ZNF467: variants seen among roughly 807,000 people sequenced by gnomAD.
The protein encoded by ZNF467 is zinc finger protein 467, also known as zinc finger protein EZI.
ZNF467 carries 51 observed loss-of-function variants against 47.8 expected under a neutral mutation model. That is an observed-to-expected ratio of 1.07 (90% confidence interval 0.85 to 1.35). ZNF467 has a LOEUF of 1.35. Ranked by LOEUF, ZNF467 falls within the 40% of genes most tolerant of loss-of-function variation. The probability of loss-of-function intolerance (pLI) is 0.00; values close to 1 mark genes in which losing one functional copy is unlikely to be tolerated. For missense variants in ZNF467, 992 were observed against 858.1 expected (o/e 1.16, Z -1.95); for synonymous variants, 416 against 372.9 (o/e 1.12, Z -1.33).
At chr7:149,766,321 G>A (rs1390016023) in intron 4 of ZNF467, 82 bp from the exon 5 acceptor site, 2 of 1,499,086 alleles carry the variant, frequency 1.3e-6, no homozygotes, top group Admixed American at 4.7e-5. Flanking sequence ...ACTTCCTGGA[G>A]CCCCGCGGTC....
intron 4 of ZNF467, among the ~76,000 whole-genome samples, chr7:149,766,710 T>G (rs1160734128): frequency 6.6e-6 from 1 of 152,216 alleles, no homozygotes; most frequent in Non-Finnish European, 1.5e-5. Flanking sequence ...GAGCCCTGGC[T>G]GACTTTAACC....
At chr7:149,774,129 G>T (rs1394165595), upstream of ZNF467, among the ~76,000 whole-genome samples, 1 of 151,974 alleles carries the variant, frequency 6.6e-6, no homozygotes, top group East Asian at 1.9e-4. This position sits in a 1 kb window ranked among gnomAD's most constrained non-coding sequence, Gnocchi z 5.7. Context: ...AGGGCTCTAT[G>T]GGCGGGAGAC....
Position 149,769,036 on chromosome 7 carries a change from G to GGATTA in ZNF467, c.262+53_262+54insTAATC, listed in dbSNP as rs1554433606. 2.8e-6 allele frequency: 4 copies of GGATTA among 1,449,298 alleles called. No individual in the cohort carries two copies. The highest frequency in any genetic ancestry group is 3.7e-6 in the Non-Finnish European group (4 of 1,079,096). The allele number at this position is 1,449,298 out of a possible 1,614,324, so 89.8% of individuals were successfully genotyped here. ...AGATAGCAGCTCCGGAGCTTGCTGGGCCCCGTTCCCTTGGCCTGAGCCCGT... is the reference window on the plus strand; with the variant it reads ...AGATAGCAGCTCCGGAGCTTGCTGGGGATTACCCCGTTCCCTTGGCCTGAGCCCGT... On this transcript the variant is annotated intron_variant, in intron 4 of 4. Coordinates refer to ENST00000302017, the MANE Select transcript of ZNF467 (RefSeq NM_207336.3). The surrounding 1 kb of genome is among the most constrained non-coding windows in gnomAD (Gnocchi z 5.3).
At chr7:149,775,966 C>G, upstream of ZNF467, 1 of 1,165,708 alleles carries the variant, frequency 8.6e-7, no homozygotes, top group Non-Finnish European at 1.2e-6. Flanking sequence ...GCTGGCCTCT[C>G]TGCCCTCTCT....
chr7:149,774,408 G>A (rs182765211), upstream of ZNF467, among the ~76,000 whole-genome samples: 14 of 152,308 alleles, frequency 9.2e-5, no homozygotes, highest in Admixed American at 9.2e-4. This position sits in a 1 kb window ranked among gnomAD's most constrained non-coding sequence, Gnocchi z 5.7. Flanking sequence ...GCCCCTTTAC[G>A]GGAAAGGGTG....
In ZNF467 at chr7:149,765,407, G is replaced by A; in HGVS notation, c.1095C>T (p.Gly365=). The part of the protein sequence containing the change: ...FACSDCGLSF[G]WKKNLATHQC... ...GGTGCGTGGCGAGGTTCTTTTTCCAGCCGAAGCTCAAGCCGCAGTCGGAGC... is the reference window on the plus strand; with the variant it reads ...GGTGCGTGGCGAGGTTCTTTTTCCAACCGAAGCTCAAGCCGCAGTCGGAGC... Residue 365 remains glycine (G), a synonymous_variant, in exon 5 of 5, where the codon GGC becomes GGT. Coordinates refer to ENST00000302017, the MANE Select transcript of ZNF467 (RefSeq NM_207336.3). The A allele has an allele frequency of 6.4e-7, 1 of 1,572,920 alleles. No individual in the cohort carries two copies. Among genetic ancestry groups the A allele is most frequent in the Non-Finnish European group, 8.6e-7 (1 of 1,160,062 alleles).
Position 149,764,603 on chromosome 7 carries a change from G to T in ZNF467, c.*111C>A, listed in dbSNP as rs757641061. ...TGCGGGAAGGAAACAGGTGTCCCGC[G>T]GCGGCCAAACCTTCGGGCAGCAGCC... On this transcript the variant is annotated 3_prime_UTR_variant, in exon 5 of 5. Coordinates refer to ENST00000302017, the MANE Select transcript of ZNF467 (RefSeq NM_207336.3). 5 of 1,536,688 alleles carry T rather than the reference G, an allele frequency of 3.3e-6. No individual in the cohort carries two copies. The highest frequency in any genetic ancestry group is 2.4e-5 in the South Asian group (2 of 83,924).
At position 149,770,566 on chromosome 7, in the gene ZNF467, G is replaced by A; in HGVS notation, c.35-10C>T. On this transcript the variant is annotated splice_polypyrimidine_tract_variant and intron_variant, in intron 2 of 4. Transcript: ENST00000302017. The stretch of plus-strand genomic sequence containing the variant: ...TGTCCCACAGAGAATCCTGTTACAG[G>A]CAGAAGGATGGGTCCAAGTAAAGCA... 1 of 1,606,170 alleles carries A rather than the reference G, an allele frequency of 6.2e-7. No individual in the cohort carries two copies. Among genetic ancestry groups the A allele is most frequent in the Non-Finnish European group, 8.5e-7 (1 of 1,174,158 alleles).
chr7:149,771,465 T>C (rs1799404799), intron 1 of ZNF467, among the ~76,000 whole-genome samples: 1 of 151,976 alleles, frequency 6.6e-6, no homozygotes, highest in South Asian at 2.1e-4. Context: ...GGAAACTTCA[T>C]CTCCCAGGTC....
At chr7:149,771,564 C>T (rs1341870076) in intron 1 of ZNF467, among the ~76,000 whole-genome samples, 3 of 152,084 alleles carry the variant, frequency 2.0e-5, no homozygotes, top group Non-Finnish European at 2.9e-5. Context: ...TTGGGGAGGT[C>T]CTCGAGAGGA....
intron 3 of ZNF467, among the ~76,000 whole-genome samples, chr7:149,770,033 C>T (rs2117445753): frequency 6.6e-6 from 1 of 152,262 alleles, no homozygotes; most frequent in South Asian, 2.1e-4. Flanking sequence ...AACCCAGTCT[C>T]CTCACCCTAT....
upstream of ZNF467, among the ~76,000 whole-genome samples, chr7:149,775,448 A>G (rs925160549): frequency 6.6e-6 from 1 of 152,068 alleles, no homozygotes; most frequent in African/African-American, 2.4e-5. Flanking sequence ...AGGCTGGAAG[A>G]CCCCATCAGT....
chr7:149,772,317 C>T (rs1799446561), intron 1 of ZNF467, among the ~76,000 whole-genome samples: 1 of 57,528 alleles, frequency 1.7e-5, no homozygotes, highest in Non-Finnish European at 3.5e-5. Flanking sequence ...CCTTCCCCCT[C>T]TGTCTCCCCA....
rs186307739 is a variant in ZNF467 at position 149,770,573 on chromosome 7, G to A, written c.35-17C>T. ...CAGAGAATCCTGTTACAGGCAGAAG[G>A]ATGGGTCCAAGTAAAGCATCCAGTA... On this transcript the variant is annotated splice_polypyrimidine_tract_variant and intron_variant, in intron 2 of 4. Transcript: ENST00000302017. The A allele has an allele frequency of 1.0e-3, 1,636 of 1,601,664 alleles. 7 individuals carry two copies. The African/African-American group carries it at 0.012, about 12-fold the overall frequency.
upstream of ZNF467, among the ~76,000 whole-genome samples, chr7:149,775,720 CACACACACACACACACA>C: frequency 9.9e-6 from 1 of 100,774 alleles, no homozygotes; most frequent in East Asian, 2.4e-4. Context: ...CACACACACA[CACACACACACACACACA>C]CACACACACA....
At chr7:149,766,327 C>G in intron 4 of ZNF467, 88 bp from the exon 5 acceptor site, 1 of 1,493,402 alleles carries the variant, frequency 6.7e-7, no homozygotes, top group Non-Finnish European at 8.9e-7. Context: ...TGGAGCCCCG[C>G]GGTCTGGCTC....
chr7:149,765,800 G>C lies in ZNF467; in HGVS notation c.702C>G (p.His234Gln), dbSNP rs1262998309. ...GCCGCTCGCCCGTGTGCGTGCGCAG[G>C]TGGCGGGTCAGATGGGCCTTCTTGC... ...RFSKKAHLTR[H>Q]LRTHTGERPY... The change falls in exon 5 of 5, where the codon CAC becomes CAG. Residue 234 changes from histidine (H) to glutamine (Q), a missense_variant. Transcript: ENST00000302017. 1 of 1,611,226 alleles carries C rather than the reference G, an allele frequency of 6.2e-7. No homozygotes were observed. Among genetic ancestry groups the C allele is most frequent in the African/African-American group, 1.3e-5 (1 of 74,884 alleles).
upstream of ZNF467, chr7:149,776,444 G>A (rs778318740): frequency 2.3e-5 from 31 of 1,348,468 alleles, no homozygotes; most frequent in South Asian, 1.2e-4. Flanking sequence ...CATTACAGCC[G>A]CCTGGGCTGG....
At chr7:149,772,870 C>T (rs1178338319) in intron 1 of ZNF467, among the ~76,000 whole-genome samples, 1 of 123,712 alleles carries the variant, frequency 8.1e-6, no homozygotes, top group East Asian at 2.4e-4. Flanking sequence ...CAGCCCCCGC[C>T]CTTCCCTCCA....
Sources: allele counts gnomAD v4.1 joint callset (sites outside exome capture counted in the v4.1 genomes callset), GRCh38; gene constraint gnomAD v4.1.1; non-coding constraint Gnocchi (gnomAD v3.1); transcripts MANE v1.5; gene names NCBI Gene and HGNC (gene_info 2026-07-23, HGNC 2026-07-21).